Variants in ESPN observed in about 807,000 individuals in gnomAD.
ESPN encodes espin.
ESPN carries 68 observed loss-of-function variants against 77.7 expected under a neutral mutation model. The ratio of observed to expected loss-of-function variants is 0.87; its 90% confidence interval spans 0.72 to 1.07. The LOEUF (loss-of-function observed/expected upper bound fraction) is 1.07, where lower values mean the gene tolerates loss of function less well. Ranked by LOEUF, ESPN falls within the 50% of genes least tolerant of loss-of-function variation. The pLI, the probability that ESPN is intolerant of heterozygous loss-of-function variation, is 0.00. For missense variants in ESPN, 1,060 were observed against 1,239.0 expected (o/e 0.86, Z 2.17); for synonymous variants, 449 against 567.1 (o/e 0.79, Z 2.96).
At chr1:6,425,320 C>T (rs1430204415) in intron 1 of ESPN, 71 bp downstream of exon 1, 4 of 1,516,084 alleles carry the variant, frequency 2.6e-6, no homozygotes, top group East Asian at 4.9e-5. Flanking sequence ...CAGAGTCCCC[C>T]GGGGCTCAAG....
At chr1:6,456,754 A>T (rs1644064433) in intron 10 of ESPN, 1 of 298,782 alleles carries the variant, frequency 3.3e-6, no homozygotes, top group Admixed American at 4.8e-5. Context: ...TATTGGGAAG[A>T]TGGCAACCAT....
At position 6,448,880 on chromosome 1, in the gene ESPN, C is replaced by T. The variant is rs1450842524; in HGVS notation, c.1704C>T (p.Ser568=). Residue 568 remains serine, a synonymous_variant, in exon 8 of 13, where the codon TCC becomes TCT. Transcript: ENST00000645284. ...CCCGCGGCTCACTCGAAGGCCCCTC[C>T]GCTCCCCCGCAGGCGGCGCTGCTTC... is the stretch of plus-strand genomic sequence containing the variant. ...PAARGSLEGP[S]APPQAALLPG... is the part of the protein sequence containing the mutation. The T allele has an allele frequency of 3.0e-6, 4 of 1,316,710 alleles. No individual in the cohort carries two copies. The highest frequency in any genetic ancestry group is 2.8e-4 in the Middle Eastern group (1 of 3,528). 81.6% of individuals were successfully genotyped at this position (1,316,710 alleles called of 1,614,324 possible). A position where few individuals can be genotyped will look rare whatever the true frequency, so the allele number is the denominator to read the frequency against.
chr1:6,459,005 C>G (rs1465963620), intron 12 of ESPN, among the ~76,000 whole-genome samples: 1 of 150,630 alleles, frequency 6.6e-6, no homozygotes, highest in African/African-American at 2.4e-5. Flanking sequence ...CTTTGGGAGG[C>G]GGAGGCAGAA....
intron 6 of ESPN, among the ~76,000 whole-genome samples, chr1:6,445,053 C>T (rs1461756258): frequency 6.6e-6 from 1 of 152,138 alleles, no homozygotes; most frequent in Non-Finnish European, 1.5e-5. Context: ...CCACCCTACA[C>T]ACAAGCAAGC....
In ESPN at chr1:6,445,937, T is replaced by A. The variant is rs758298435; in HGVS notation, c.1464+2T>A. 1.2e-6 allele frequency: 2 copies of A among 1,610,926 alleles called. No homozygotes were observed. The highest frequency in any genetic ancestry group is 2.2e-5 in the East Asian group (1 of 44,782). On this transcript the variant is annotated splice_donor_variant, in intron 7 of 12. Transcript: ENST00000645284. LOFTEE classifies it high-confidence loss of function. ...GAGACAGAGGCCCTCAAGAAGGAGG[T>A]AGTGAGCCCTCACCCCCTGCCTGCC...
Position 6,448,974 on chromosome 1 carries a change from C to A in ESPN, c.1798C>A (p.Pro600Thr). Residue 600 changes from proline to threonine, a missense_variant, in exon 8 of 13, where the codon CCA (proline) becomes ACA (threonine). Around this residue, in one of 3 missense-constraint regions of ESPN, gnomAD observed 374 missense variants for 381.4 expected, o/e 0.98. Coordinates refer to ENST00000645284, the MANE Select transcript of ESPN (RefSeq NM_031475.3). The part of the protein sequence containing the change: ...KASRELPPPP[P>T]PPPPPLPEAA... ...GTCCAGGGAGCTGCCACCGCCGCCC[C>A]CACCGCCGCCGCCGCCCCTGCCGGA... The A allele has an allele frequency of 1.4e-5, 20 of 1,427,714 alleles. No homozygotes were observed. Among genetic ancestry groups the A allele is most frequent in the Non-Finnish European group, 1.8e-5 (20 of 1,096,660 alleles). The allele number at this position is 1,427,714 out of a possible 1,614,324, so 88.4% of individuals were successfully genotyped here. A position where few individuals can be genotyped will look rare whatever the true frequency, so the allele number is the denominator to read the frequency against.
Position 6,451,721 on chromosome 1 carries a change from CT to C in ESPN, c.2035del (p.Ser679GlnfsTer79). 3 of 1,612,826 alleles carry C rather than the reference CT, an allele frequency of 1.9e-6. No individual in the cohort carries two copies. In the South Asian group the frequency reaches 3.3e-5, roughly 18 times the overall value. Reference sequence around the variant, plus strand: ...AGAGCAAGGGGCTGACCACAGTGTTCTCAGGCATCGGGCAGCCGGCCTTCCA... The same window carrying C: ...AGAGCAAGGGGCTGACCACAGTGTTCCAGGCATCGGGCAGCCGGCCTTCCA... ...PQSKGLTTVF[S>X]GIGQPAFQPD... is the part of the protein sequence containing the mutation. On this transcript the variant is annotated frameshift_variant, in exon 9 of 13. Transcript: ENST00000645284. LOFTEE classifies it high-confidence loss of function. This position sits in a 1 kb window ranked among gnomAD's most constrained non-coding sequence, Gnocchi z 4.3.
At position 6,445,904 on chromosome 1, in the gene ESPN, G is replaced by A. The variant is rs753612809; in HGVS notation, c.1433G>A (p.Arg478His). The change falls in exon 7 of 13, where the codon CGC becomes CAC. Residue 478 changes from arginine (R) to histidine (H), a missense_variant. Around this residue, in one of 3 missense-constraint regions of ESPN, gnomAD observed 130 missense variants for 223.9 expected, o/e 0.58. Coordinates refer to ENST00000645284, the MANE Select transcript of ESPN (RefSeq NM_031475.3). ...TACATGCAGACCAAGAACAAACTCC[G>A]CCACGTGGAGACAGAGGCCCTCAAG... is the stretch of plus-strand genomic sequence containing the variant. ...DIYMQTKNKL[R>H]HVETEALKKE... 1.7e-5 allele frequency: 28 copies of A among 1,611,792 alleles called. No homozygotes were observed. The highest frequency in any genetic ancestry group is 7.7e-5 in the South Asian group (7 of 90,996).
Position 6,441,010 on chromosome 1 carries a change from C to T in ESPN, c.935C>T (p.Ser312Leu), listed in dbSNP as rs189442618. The T allele has an allele frequency of 2.2e-4, 348 of 1,610,368 alleles. No individual in the cohort carries two copies. Among genetic ancestry groups the T allele is most frequent in the Middle Eastern group, 3.6e-4 (2 of 5,594 alleles). ...GACGGGTACACGGCCGCCGACCTGTCGGACTTCAACGGCCACAGCCACTGC... is the reference window on the plus strand; with the variant it reads ...GACGGGTACACGGCCGCCGACCTGTTGGACTTCAACGGCCACAGCCACTGC... Reference protein sequence around the residue: ...DRDGYTAADLSDFNGHSHCTR... With the variant: ...DRDGYTAADLLDFNGHSHCTR... Residue 312 changes from serine to leucine, a missense_variant, in exon 5 of 13, where the codon TCG becomes TTG. Physicochemically the swap from Ser to Leu is moderately radical, Grantham distance 145. This residue lies in a region of ESPN where 556 missense variants were observed against 633.6 expected (regional missense o/e 0.88). Coordinates refer to ENST00000645284, the MANE Select transcript of ESPN (RefSeq NM_031475.3).
chr1:6,430,788 G>GA (rs1404846639), intron 2 of ESPN, among the ~76,000 whole-genome samples: 112 of 147,528 alleles, frequency 7.6e-4, no homozygotes, highest in Middle Eastern at 6.9e-3. Flanking sequence ...GAAAAAAAAA[G>GA]AAAAAAAAAA....
In ESPN at chr1:6,450,358, C is replaced by T; in HGVS notation, c.1916-1245C>T. 4.6e-6 allele frequency: 2 copies of T among 434,700 alleles called. No homozygotes were observed. The highest frequency in any genetic ancestry group is 6.1e-6 in the Non-Finnish European group (2 of 326,124). The allele number at this position is 434,700 out of a possible 1,614,324, so 26.9% of individuals were successfully genotyped here. A position where few individuals can be genotyped will look rare whatever the true frequency, so the allele number is the denominator to read the frequency against. On this transcript the variant is annotated intron_variant, in intron 8 of 12. Coordinates refer to ENST00000645284, the MANE Select transcript of ESPN (RefSeq NM_031475.3). The surrounding 1 kb of genome is among the most constrained non-coding windows in gnomAD (Gnocchi z 4.3). ...TTCCCCCCCGCCCGCTCTCCCTGGC[C>T]CGCTCCCTGTCCCCTGCTGTCCCAG...
chr1:6,432,950 G>A (rs1295984530), intron 2 of ESPN, among the ~76,000 whole-genome samples: 3 of 150,790 alleles, frequency 2.0e-5, no homozygotes, highest in Non-Finnish European at 3.0e-5. Flanking sequence ...AAGAAACCCC[G>A]TCTCTACTAA....
Position 6,443,923 on chromosome 1 carries a change from G to A in ESPN, c.991-558G>A, listed in dbSNP as rs553248447. On this transcript the variant is annotated intron_variant, in intron 5 of 12. Transcript: ENST00000645284. ...AGGCCTGTGGTCAGACGCACAGACC[G>A]GGCAGGGCGAGGGGATGGCAGGCCT... Among the ~76,000 whole-genome samples the A allele has an allele frequency of 7.1e-4, 108 of 152,308 alleles. No homozygotes were observed. In the South Asian group the frequency reaches 9.7e-3, roughly 14 times the overall value.
chr1:6,447,761 T>C lies in ESPN; in HGVS notation c.1465-880T>C, dbSNP rs1434241272. 6.6e-6 allele frequency among the ~76,000 whole-genome samples: 1 copy of C among 151,434 alleles called. No homozygotes were observed. Among genetic ancestry groups the C allele is most frequent in the Non-Finnish European group, 1.5e-5 (1 of 67,886 alleles). Reference sequence around the variant, plus strand: ...ACGCGACCCGGAGCCGGGGGCCAAATATGAGAGGCCTCCTCTGCCCACAGT... The same window carrying C: ...ACGCGACCCGGAGCCGGGGGCCAAACATGAGAGGCCTCCTCTGCCCACAGT... On this transcript the variant is annotated intron_variant, in intron 7 of 12. Transcript: ENST00000645284. The surrounding 1 kb of genome is among the most constrained non-coding windows in gnomAD (Gnocchi z 5.2).
At chr1:6,446,239 G>T (rs61780713) in intron 7 of ESPN, among the ~76,000 whole-genome samples, 3,004 of 152,224 alleles carry the variant, frequency 0.02, 56 homozygotes, top group Non-Finnish European at 0.029. Flanking sequence ...TGGCCGGGTT[G>T]TCATGGAGTT....
chr1:6,459,957 C>G (rs1441485033), intron 12 of ESPN, 42 bp from the exon 13 acceptor site: 4 of 1,612,074 alleles, frequency 2.5e-6, no homozygotes. Context: ...GGGTATCTGG[C>G]CCCAGACTTC....
chr1:6,458,356 T>C (rs1463222449), intron 12 of ESPN, among the ~76,000 whole-genome samples: 1 of 150,414 alleles, frequency 6.6e-6, no homozygotes, highest in African/African-American at 2.5e-5. Flanking sequence ...GCTCTTGTTG[T>C]CCAGGCTGGA....
At position 6,457,165 on chromosome 1, in the gene ESPN, C is replaced by T. The variant is rs183551944; in HGVS notation, c.2326-19C>T. On this transcript the variant is annotated intron_variant, in intron 10 of 12. Transcript: ENST00000645284. ...CTCCCAGCCCCTGCAGGCCCTGAAGCTTTGTGGTTGTGTTTCAGGAGGAGG... is the reference window on the plus strand; with the variant it reads ...CTCCCAGCCCCTGCAGGCCCTGAAGTTTTGTGGTTGTGTTTCAGGAGGAGG... The T allele has an allele frequency of 9.5e-6, 15 of 1,582,458 alleles. No individual in the cohort carries two copies. In the East Asian group the frequency reaches 2.8e-4, roughly 29 times the overall value.
Position 6,434,692 on chromosome 1 carries a change from G to A in ESPN, c.489-5562G>A, listed in dbSNP as rs558179326. Among the ~76,000 whole-genome samples, 7 of 152,278 alleles carry A rather than the reference G, an allele frequency of 4.6e-5. No homozygotes were observed. In the South Asian group the frequency reaches 6.2e-4, roughly 14 times the overall value. The stretch of plus-strand genomic sequence containing the variant: ...CTGGGTGCACCCAACTGCCCGGCCC[G>A]TCATCACGTCAGCCATACATTCTTC... On this transcript the variant is annotated intron_variant, in intron 2 of 12. Transcript: ENST00000645284.
Sources: allele counts gnomAD v4.1 joint callset (sites outside exome capture counted in the v4.1 genomes callset), GRCh38; gene constraint gnomAD v4.1.1; regional missense constraint gnomAD v4.1.1; non-coding constraint Gnocchi (gnomAD v3.1); transcripts MANE v1.5; gene names NCBI Gene and HGNC (gene_info 2026-07-23, HGNC 2026-07-21).